Variants in SLC5A12 observed in about 807,000 individuals in gnomAD.
SLC5A12 encodes the protein solute carrier family 5 member 12, also known as sodium-coupled monocarboxylate transporter 2.
In SLC5A12, 46 loss-of-function variants were observed where a neutral mutation model predicts 72.7. The observed-to-expected ratio is 0.63, with a 90% CI of 0.50 to 0.81. The LOEUF (loss-of-function observed/expected upper bound fraction) is 0.81, where lower values mean the gene tolerates loss of function less well. Among genes scored for constraint, SLC5A12 ranks in the 30% least tolerant of loss-of-function variants. The probability of loss-of-function intolerance (pLI) is 0.00; values close to 1 mark genes in which losing one functional copy is unlikely to be tolerated. For synonymous variants in SLC5A12, 275 were observed against 264.4 expected, an observed-to-expected ratio of 1.04 and a Z score of -0.39; for missense variants, 683 against 740.7, an observed-to-expected ratio of 0.92 and a Z score of 0.90.
rs991195444 is a variant in SLC5A12 at position 26,678,643 on chromosome 11, C to T, written c.1579+69G>A. ...CGTGAATTCAAAGCAATAAGACAGA[C>T]AGCCAGTCCACCAATGCATGCATGA... On this transcript the variant is annotated intron_variant, in intron 13 of 14. Coordinates refer to ENST00000396005, the MANE Select transcript of SLC5A12 (RefSeq NM_178498.4). 8.0e-6 allele frequency: 9 copies of T among 1,127,448 alleles called. No individual in the cohort carries two copies. The African/African-American group carries it at 1.2e-4, about 16-fold the overall frequency. 69.8% of individuals were successfully genotyped at this position (1,127,448 alleles called of 1,614,324 possible).
At chr11:26,692,123 T>TA (rs1335433894) in intron 9 of SLC5A12, 1 of 169,218 alleles carries the variant, frequency 5.9e-6, no homozygotes, top group Admixed American at 6.0e-5. Context: ...TGCTAAGATT[T>TA]AAAAAATTAC....
At chr11:26,702,401 A>C (rs1332767587) in intron 6 of SLC5A12, among the ~76,000 whole-genome samples, 1 of 152,202 alleles carries the variant, frequency 6.6e-6, no homozygotes, top group Non-Finnish European at 1.5e-5. Context: ...TGAAATAAGA[A>C]ACTGTGCATT....
intron 11 of SLC5A12, among the ~76,000 whole-genome samples, chr11:26,683,526 T>C (rs1321691065): frequency 2.0e-5 from 3 of 152,204 alleles, no homozygotes; most frequent in Admixed American, 1.3e-4. Flanking sequence ...GAGTCAGCTT[T>C]GATGTCAGGA....
intron 9 of SLC5A12, among the ~76,000 whole-genome samples, chr11:26,689,530 G>T (rs1854616606): frequency 6.6e-6 from 1 of 152,150 alleles, no homozygotes; most frequent in South Asian, 2.1e-4. Flanking sequence ...AGAAAAGAAT[G>T]ACTAGAGAAG....
chr11:26,671,501 G>A (rs1262582435), intron 14 of SLC5A12, among the ~76,000 whole-genome samples: 1 of 152,114 alleles, frequency 6.6e-6, no homozygotes, highest in Non-Finnish European at 1.5e-5. Flanking sequence ...GTTGCATGAA[G>A]AAATTTATAT....
chr11:26,688,982 G>T (rs1024433900), intron 9 of SLC5A12, among the ~76,000 whole-genome samples: 3 of 151,528 alleles, frequency 2.0e-5, no homozygotes, highest in African/African-American at 7.3e-5. Context: ...AAAAAGATCT[G>T]TGGTATATCC....
chr11:26,668,040 A>AT lies in SLC5A12; in HGVS notation c.*3061dup. 6.6e-6 allele frequency: 1 copy of AT among 152,138 alleles called. No homozygotes were observed. The highest frequency in any genetic ancestry group is 2.4e-5 in the African/African-American group (1 of 41,534). The allele number at this position is 152,138 out of a possible 1,614,324, so 9.4% of individuals were successfully genotyped here. A position where few individuals can be genotyped will look rare whatever the true frequency, so the allele number is the denominator to read the frequency against. On this transcript the variant is annotated 3_prime_UTR_variant, in exon 15 of 15. Transcript: ENST00000396005. The stretch of plus-strand genomic sequence containing the variant: ...TTATATAAATCTTCATAATAATTCT[A>AT]TTAAGTAGGGGTAATTTTTACTCCT...
intron 9 of SLC5A12, chr11:26,691,783 T>A (rs1854681640): frequency 6.6e-6 from 1 of 152,226 alleles, no homozygotes; most frequent in Non-Finnish European, 1.5e-5. Context: ...ACTGCAATTA[T>A]CTCTGATAAG....
intron 12 of SLC5A12, among the ~76,000 whole-genome samples, chr11:26,679,673 G>A (rs1351893257): frequency 6.6e-6 from 1 of 151,732 alleles, no homozygotes; most frequent in African/African-American, 2.4e-5. Flanking sequence ...GGAAAGAGTG[G>A]GATAAGCATA....
At chr11:26,722,972 T>C (rs1391101682), upstream of SLC5A12, among the ~76,000 whole-genome samples, 1 of 151,586 alleles carries the variant, frequency 6.6e-6, no homozygotes, top group Non-Finnish European at 1.5e-5. Context: ...TACTCAGCCA[T>C]CATCTTGCCT....
chr11:26,707,550 G>C (rs1302110831), intron 4 of SLC5A12, among the ~76,000 whole-genome samples: 1 of 151,760 alleles, frequency 6.6e-6, no homozygotes, highest in Admixed American at 6.6e-5. Context: ...TTTGGATAGA[G>C]TTTCCATCAT....
chr11:26,718,548 G>T (rs1452125232), intron 1 of SLC5A12, among the ~76,000 whole-genome samples: 2 of 151,958 alleles, frequency 1.3e-5, no homozygotes, highest in Non-Finnish European at 2.9e-5. Flanking sequence ...AACCTCCCAG[G>T]TTCAAGTGAT....
intron 13 of SLC5A12, among the ~76,000 whole-genome samples, chr11:26,678,144 T>C (rs1305767830): frequency 6.6e-6 from 1 of 152,128 alleles, no homozygotes. Context: ...AGTGTTTTGC[T>C]TTTCTAGTAA....
rs186147426 is a variant in SLC5A12 at position 26,668,665 on chromosome 11, C to T, written c.*2437G>A. On this transcript the variant is annotated 3_prime_UTR_variant, in exon 15 of 15. Coordinates refer to ENST00000396005, the MANE Select transcript of SLC5A12 (RefSeq NM_178498.4). ...CCTGTAGATTCCCATCTGCTCTCTACCTGAAACCCTAGATTTATGCATGTT... is the reference window on the plus strand; with the variant it reads ...CCTGTAGATTCCCATCTGCTCTCTATCTGAAACCCTAGATTTATGCATGTT... 6.6e-6 allele frequency: 1 copy of T among 152,082 alleles called. No individual in the cohort carries two copies. Among genetic ancestry groups the T allele is most frequent in the Admixed American group, 6.6e-5 (1 of 15,242 alleles). The allele number at this position is 152,082 out of a possible 1,614,324, so 9.4% of individuals were successfully genotyped here.
Position 26,714,924 on chromosome 11 carries a change from C to T in SLC5A12, c.340-2218G>A, listed in dbSNP as rs139132754. ...TATTCTGTGAGCCAGAATGTATAGT[C>T]CGGTGAATATGTGAATGAGGGCATC... On this transcript the variant is annotated intron_variant, in intron 1 of 14. Transcript: ENST00000396005. Among the ~76,000 whole-genome samples the T allele has an allele frequency of 3.0e-3, 453 of 152,130 alleles. 1 individual carries two copies. Among genetic ancestry groups the T allele is most frequent in the Middle Eastern group, 0.027 (8 of 294 alleles).
intron 13 of SLC5A12, among the ~76,000 whole-genome samples, chr11:26,673,969 C>T (rs1317414028): frequency 6.6e-6 from 1 of 152,188 alleles, no homozygotes; most frequent in Non-Finnish European, 1.5e-5. Context: ...TCTTTTCTTT[C>T]ACCCTAACAT....
chr11:26,673,087 T>C (rs4390308), intron 14 of SLC5A12, among the ~76,000 whole-genome samples: 95,842 of 152,010 alleles, frequency 0.63, 30,761 homozygotes, highest in Middle Eastern at 0.72. Context: ...GGAGAATGTG[T>C]CTTCAATTTG....
chr11:26,723,001 G>T (rs569807551), upstream of SLC5A12, among the ~76,000 whole-genome samples: 6 of 151,652 alleles, frequency 4.0e-5, no homozygotes, highest in South Asian at 1.3e-3. Context: ...GAATCTCTAT[G>T]TAACCGGCTA....
chr11:26,712,570 C>G lies in SLC5A12; in HGVS notation c.405+71G>C, dbSNP rs577846276. The stretch of plus-strand genomic sequence containing the variant: ...AAGTGTCCTTTAGCTGAGTTTATTG[C>G]CCCCAAAATAAACAAACCTATATCT... On this transcript the variant is annotated intron_variant, in intron 2 of 14. Coordinates refer to ENST00000396005, the MANE Select transcript of SLC5A12 (RefSeq NM_178498.4). 8 of 1,149,458 alleles carry G rather than the reference C, an allele frequency of 7.0e-6. No homozygotes were observed. The South Asian group carries it at 1.6e-4, about 23-fold the overall frequency. 71.2% of individuals were successfully genotyped at this position (1,149,458 alleles called of 1,614,324 possible).
Sources: gnomAD v4.1 joint callset for allele counts (sites outside exome capture counted in the v4.1 genomes callset) on GRCh38, gnomAD v4.1.1 for gene constraint, MANE v1.5 for transcripts, NCBI Gene and HGNC (gene_info 2026-07-23, HGNC 2026-07-21) for gene names.